ANOS1: variants seen among roughly 807,000 people sequenced by gnomAD.
ANOS1 encodes the protein anosmin 1.
A neutral mutation model predicts 59.0 loss-of-function variants in ANOS1; 6 were observed. The ratio of observed to expected loss-of-function variants is 0.10; its 90% confidence interval spans 0.06 to 0.20. ANOS1 has a LOEUF of 0.20. Ranked by LOEUF, ANOS1 falls within the 10% of genes least tolerant of loss-of-function variation. The probability of loss-of-function intolerance (pLI) is 1.00; values close to 1 mark genes in which losing one functional copy is unlikely to be tolerated. For synonymous variants in ANOS1, 217 were observed against 223.4 expected (o/e 0.97, Z 0.25); for missense variants, 433 against 542.3 (o/e 0.80, Z 2.00).
chrX:8,687,063 G>A (rs2146890633), intron 2 of ANOS1, among the ~76,000 whole-genome samples: 1 of 112,083 alleles, frequency 8.9e-6, no homozygotes, highest in Admixed American at 9.5e-5. Context: ...CAGCCCCAAC[G>A]ACTAGGTTTG....
intron 2 of ANOS1, among the ~76,000 whole-genome samples, chrX:8,672,148 A>G (rs770101114): frequency 3.7e-5 from 4 of 108,333 alleles, no homozygotes; most frequent in African/African-American, 1.4e-4. Context: ...CTGGCTTTAC[A>G]TATACACACA....
chrX:8,647,280 C>T (rs999631278), intron 2 of ANOS1, among the ~76,000 whole-genome samples: 5 of 110,612 alleles, frequency 4.5e-5, no homozygotes, highest in Non-Finnish European at 9.4e-5. Context: ...GAACTGCCCC[C>T]GGGTTGAGAA....
At chrX:8,701,013 A>T (rs924972396) in intron 1 of ANOS1, among the ~76,000 whole-genome samples, 8 of 112,022 alleles carry the variant, frequency 7.1e-5, no homozygotes, top group African/African-American at 1.6e-4. Context: ...CCATCTCAAA[A>T]AAATAAATAA....
chrX:8,668,236 T>C (rs1406107177), intron 2 of ANOS1, among the ~76,000 whole-genome samples: 1 of 107,206 alleles, frequency 9.3e-6, no homozygotes, highest in African/African-American at 3.4e-5. Flanking sequence ...ATTATGCTTT[T>C]GCATCCTCAT....
intron 2 of ANOS1, among the ~76,000 whole-genome samples, chrX:8,660,554 T>C (rs1319393228): frequency 9.0e-6 from 1 of 110,936 alleles, no homozygotes; most frequent in Non-Finnish European, 1.9e-5. Context: ...GTGGGAGGAT[T>C]GCTTGAGCCC....
In ANOS1 at chrX:8,621,583, T is replaced by C. The variant is rs1376759699; in HGVS notation, c.318+2025A>G. ...CCTATAACACATAATACAAAGTAAA[T>C]ATCATTGTGTTACTTTTGTACAGCT... On this transcript the variant is annotated intron_variant, in intron 3 of 13. Coordinates refer to ENST00000262648, the MANE Select transcript of ANOS1 (RefSeq NM_000216.4). Among the ~76,000 whole-genome samples, 4 of 111,842 alleles carry C rather than the reference T, an allele frequency of 3.6e-5. No homozygotes were observed. In the Admixed American group the frequency reaches 3.8e-4, roughly 11 times the overall value.
intron 2 of ANOS1, among the ~76,000 whole-genome samples, chrX:8,682,779 A>T (rs1436040669): frequency 9.0e-6 from 1 of 111,623 alleles, no homozygotes; most frequent in Non-Finnish European, 1.9e-5. Flanking sequence ...TTGTCTAATG[A>T]GAAAGAAAAA....
chrX:8,707,049 G>T (rs1466519433), intron 1 of ANOS1, among the ~76,000 whole-genome samples: 1 of 111,173 alleles, frequency 9.0e-6, no homozygotes, highest in East Asian at 2.8e-4. Context: ...GCTCTATAAC[G>T]TTCTGCACTT....
intron 8 of ANOS1, among the ~76,000 whole-genome samples, chrX:8,562,367 A>C (rs1332945020): frequency 4.5e-5 from 5 of 111,984 alleles, no homozygotes. Context: ...TGTTGCTGAC[A>C]CACGCCATGG....
At chrX:8,726,824 G>T (rs1410295943) in intron 1 of ANOS1, among the ~76,000 whole-genome samples, 1 of 112,038 alleles carries the variant, frequency 8.9e-6, no homozygotes, top group East Asian at 2.8e-4. Context: ...AAGAGACAGG[G>T]CTTATCTCAG....
At chrX:8,631,518 T>C (rs1931487558) in intron 2 of ANOS1, among the ~76,000 whole-genome samples, 1 of 110,845 alleles carries the variant, frequency 9.0e-6, no homozygotes, top group African/African-American at 3.3e-5. Flanking sequence ...AATGGCAACC[T>C]GTATGAGATT....
intron 2 of ANOS1, among the ~76,000 whole-genome samples, chrX:8,661,103 T>G (rs1409444358): frequency 9.1e-6 from 1 of 109,399 alleles, no homozygotes; most frequent in Admixed American, 9.7e-5. Context: ...TCCAGAAGCC[T>G]CTCTCCTTGG....
At chrX:8,655,537 C>A (rs1931918263) in intron 2 of ANOS1, among the ~76,000 whole-genome samples, 1 of 111,405 alleles carries the variant, frequency 9.0e-6, no homozygotes, top group Non-Finnish European at 1.9e-5. Flanking sequence ...ACACTTGAGA[C>A]ACATCACCAC....
chrX:8,585,539 C>A, intron 5 of ANOS1, 143 bp from the exon 6 acceptor site: 1 of 631,131 alleles, frequency 1.6e-6, no homozygotes, highest in South Asian at 2.4e-5. Flanking sequence ...CTTATCATGC[C>A]CAGTTATGAA....
intron 3 of ANOS1, among the ~76,000 whole-genome samples, chrX:8,599,155 A>G (rs182598129): frequency 3.6e-5 from 4 of 112,038 alleles, no homozygotes; most frequent in Middle Eastern, 4.6e-3. Flanking sequence ...ACTCTTGTAC[A>G]TGTCAAGCTC....
At chrX:8,698,871 T>A (rs1200682373) in intron 2 of ANOS1, among the ~76,000 whole-genome samples, 1 of 112,116 alleles carries the variant, frequency 8.9e-6, no homozygotes, top group Non-Finnish European at 1.9e-5. Context: ...CACAAAATAA[T>A]CCTTTTCATA....
intron 8 of ANOS1, among the ~76,000 whole-genome samples, chrX:8,555,237 G>C (rs1194173645): frequency 8.9e-6 from 1 of 111,778 alleles, no homozygotes; most frequent in Non-Finnish European, 1.9e-5. Flanking sequence ...GCAGCGTTTA[G>C]AGGGAAATTT....
chrX:8,636,727 A>C (rs1420804718), intron 2 of ANOS1, among the ~76,000 whole-genome samples: 1 of 111,775 alleles, frequency 8.9e-6, no homozygotes. Flanking sequence ...AGGGAGCCAA[A>C]TCTCATGGGG....
chrX:8,569,463 A>G (rs1930183147), intron 7 of ANOS1, among the ~76,000 whole-genome samples: 1 of 111,827 alleles, frequency 8.9e-6, no homozygotes, highest in Non-Finnish European at 1.9e-5. Flanking sequence ...TAACATGGTG[A>G]AACCCTGTCT....
Sources: allele counts gnomAD v4.1 joint callset (sites outside exome capture counted in the v4.1 genomes callset), GRCh38; gene constraint gnomAD v4.1.1; transcripts MANE v1.5; gene names NCBI Gene and HGNC (gene_info 2026-07-23, HGNC 2026-07-21).